The following ZBBX variants were observed in gnomAD, a reference collection of about 807,000 sequenced individuals.
ZBBX encodes the protein zinc finger B-box domain-containing protein 1.
Under a neutral mutation model 108.5 loss-of-function variants are expected in ZBBX, and 101 were observed. The observed-to-expected ratio is 0.93, with a 90% CI of 0.79 to 1.10. The LOEUF (loss-of-function observed/expected upper bound fraction) is 1.10, where lower values mean the gene tolerates loss of function less well. Among genes scored for constraint, ZBBX ranks in the 50% least tolerant of loss-of-function variants. ZBBX has a pLI of 0.00. For synonymous variants in ZBBX, 356 were observed against 323.4 expected, an observed-to-expected ratio of 1.10 and a Z score of -1.08; for missense variants, 1,009 against 941.4, an observed-to-expected ratio of 1.07 and a Z score of -0.94.
the ZBBX span, among the ~76,000 whole-genome samples, chr3:167,219,135 A>T: frequency 6.6e-6 from 1 of 152,098 alleles, no homozygotes; most frequent in African/African-American, 2.4e-5. Flanking sequence ...GATATACAAA[A>T]CAAATATTAG....
At chr3:167,178,489 C>T in the ZBBX span, among the ~76,000 whole-genome samples, 13 of 152,174 alleles carry the variant, frequency 8.5e-5, no homozygotes, top group East Asian at 5.8e-4. Context: ...TGGCTGTGTT[C>T]GACGGGTGTT....
At chr3:167,347,599 T>C (rs1421867578) in intron 9 of ZBBX, among the ~76,000 whole-genome samples, 1 of 152,064 alleles carries the variant, frequency 6.6e-6, no homozygotes, top group Non-Finnish European at 1.5e-5. Context: ...AAGAATTAGC[T>C]GAACAAAAAA....
intron 2 of ZBBX, among the ~76,000 whole-genome samples, chr3:167,375,603 A>G (rs141199834): frequency 3.9e-5 from 6 of 152,182 alleles, no homozygotes; most frequent in African/African-American, 1.2e-4. Flanking sequence ...AAAAAGAAAA[A>G]AAAAAGAATC....
chr3:167,332,753 CCA>C (rs374028312), intron 10 of ZBBX, among the ~76,000 whole-genome samples: 51 of 152,232 alleles, frequency 3.4e-4, no homozygotes, highest in Non-Finnish European at 6.3e-4. Context: ...ACTTTTAAAA[CCA>C]CAGTCTCTGC....
At chr3:167,199,377 C>G in the ZBBX span, among the ~76,000 whole-genome samples, 5 of 152,126 alleles carry the variant, frequency 3.3e-5, no homozygotes, top group Non-Finnish European at 7.4e-5. Context: ...CAGTGAGACT[C>G]TCAGGCAAGT....
chr3:167,281,089 C>T (rs1728725130), intron 20 of ZBBX, among the ~76,000 whole-genome samples: 1 of 152,116 alleles, frequency 6.6e-6, no homozygotes, highest in Non-Finnish European at 1.5e-5. Context: ...GAACATCACA[C>T]TCTGCGGACT....
At chr3:167,308,787 TG>T (rs1734091885) in intron 16 of ZBBX, among the ~76,000 whole-genome samples, 2 of 152,020 alleles carry the variant, frequency 1.3e-5, no homozygotes, top group South Asian at 4.1e-4. Context: ...CAACACACAC[TG>T]GGGCCTATTG....
upstream of ZBBX, among the ~76,000 whole-genome samples, chr3:167,382,207 A>T (rs542778153): frequency 1.3e-5 from 2 of 152,312 alleles, no homozygotes; most frequent in South Asian, 4.1e-4. Flanking sequence ...GCTTATGCAC[A>T]GTTATGAAAA....
At chr3:167,355,142 A>G (rs1650066744) in intron 8 of ZBBX, among the ~76,000 whole-genome samples, 1 of 151,968 alleles carries the variant, frequency 6.6e-6, no homozygotes, top group East Asian at 1.9e-4. Context: ...ATTTGAGTTT[A>G]ATTAAATTAT....
chr3:167,214,791 T>C, the ZBBX span, among the ~76,000 whole-genome samples: 1 of 151,920 alleles, frequency 6.6e-6, no homozygotes, highest in Non-Finnish European at 1.5e-5. Flanking sequence ...GCAAACACAA[T>C]CTCAGACCAG....
intron 20 of ZBBX, among the ~76,000 whole-genome samples, chr3:167,275,980 C>T (rs1176497232): frequency 1.3e-5 from 2 of 152,142 alleles, no homozygotes; most frequent in Admixed American, 6.5e-5. Context: ...CCCTGACCCC[C>T]AAGCAGCCTA....
In ZBBX at chr3:167,242,592, C is replaced by T. The variant is rs950141767; in HGVS notation, c.2306G>A (p.Ser769Asn). The T allele has an allele frequency of 6.2e-7, 1 of 1,613,504 alleles. No individual in the cohort carries two copies. Among genetic ancestry groups the T allele is most frequent in the Non-Finnish European group, 8.5e-7 (1 of 1,179,822 alleles). The change falls in exon 21 of 22, where the codon AGC (serine) becomes AAC (asparagine). Residue 769 changes from serine (S) to asparagine (N), a missense_variant. Transcript: ENST00000675490. ...CTGACTTATATTCAGTGATTGGCTG[C>T]TGAAATCTGGGAACTCTTCTGAGGT... ...SLTSEEFPDFSSQSLNISQIS... is the reference protein window; with the variant it reads ...SLTSEEFPDFNSQSLNISQIS...
intron 20 of ZBBX, among the ~76,000 whole-genome samples, chr3:167,275,937 C>T (rs557987733): frequency 9.9e-5 from 15 of 152,248 alleles, no homozygotes; most frequent in East Asian, 7.7e-4. Flanking sequence ...GATCTGAGAA[C>T]GGGCAGACTG....
intron 9 of ZBBX, among the ~76,000 whole-genome samples, chr3:167,348,369 A>AAAGAAAGAAAGAAAG (rs759038070): frequency 7.1e-6 from 1 of 140,562 alleles, no homozygotes; most frequent in African/African-American, 2.7e-5. Flanking sequence ...AGAAAGAAAG[A>AAAGAAAGAAAGAAAG]AAAAAAAGAA....
intron 2 of ZBBX, among the ~76,000 whole-genome samples, chr3:167,374,063 C>T (rs890016759): frequency 6.6e-6 from 1 of 152,012 alleles, no homozygotes; most frequent in Admixed American, 6.6e-5. Flanking sequence ...TTTGTTCTAT[C>T]TAAAAATAAT....
intron 1 of ZBBX, among the ~76,000 whole-genome samples, chr3:167,391,348 G>A (rs1461292376): frequency 1.3e-5 from 2 of 151,984 alleles, no homozygotes; most frequent in Non-Finnish European, 1.5e-5. Flanking sequence ...CTTGATCATC[G>A]TGGATAAACT....
At chr3:167,345,352 G>A (rs1338393658) in intron 9 of ZBBX, among the ~76,000 whole-genome samples, 1 of 151,810 alleles carries the variant, frequency 6.6e-6, no homozygotes, top group Non-Finnish European at 1.5e-5. Flanking sequence ...AATCATTGAA[G>A]GGAATGAACA....
At chr3:167,309,974 G>T (rs757625040) in intron 16 of ZBBX, among the ~76,000 whole-genome samples, 16 of 152,076 alleles carry the variant, frequency 1.1e-4, no homozygotes, top group Non-Finnish European at 1.9e-4. Flanking sequence ...ATTTCTTTGT[G>T]AATGCATATG....
intron 16 of ZBBX, among the ~76,000 whole-genome samples, chr3:167,309,677 C>A (rs1462551557): frequency 6.6e-6 from 1 of 152,218 alleles, no homozygotes; most frequent in East Asian, 1.9e-4. Context: ...GTGAACAGAG[C>A]AGTGAGGCCC....
Sources: gnomAD v4.1 joint callset for allele counts (sites outside exome capture counted in the v4.1 genomes callset) on GRCh38, gnomAD v4.1.1 for gene constraint, MANE v1.5 for transcripts, NCBI Gene and HGNC (gene_info 2026-07-23, HGNC 2026-07-21) for gene names.